MBD5: variants seen among roughly 807,000 people sequenced by gnomAD.
The protein encoded by MBD5 is methyl-CpG-binding domain protein 5.
Under a neutral mutation model 117.3 loss-of-function variants are expected in MBD5, and 13 were observed. The observed-to-expected ratio is 0.11, with a 90% CI of 0.07 to 0.18. The LOEUF is 0.18. Among genes scored for constraint, MBD5 ranks in the 10% least tolerant of loss-of-function variants. MBD5 has a pLI of 1.00. For synonymous variants in MBD5, 727 were observed against 766.4 expected (o/e 0.95, Z 0.85); for missense variants, 1,879 against 2,093.8 (o/e 0.90, Z 2.00).
chr2:148,118,690 C>T (rs1696697036), intron 1 of MBD5, among the ~76,000 whole-genome samples: 1 of 152,072 alleles, frequency 6.6e-6, no homozygotes, highest in African/African-American at 2.4e-5. Flanking sequence ...TCTCCTCTGA[C>T]CCTACTCCCA....
intron 3 of MBD5, among the ~76,000 whole-genome samples, chr2:148,294,665 G>T (rs999001924): frequency 6.6e-6 from 1 of 151,656 alleles, no homozygotes. Flanking sequence ...ACCATGCCCA[G>T]ATGATTTTTT....
At chr2:148,200,096 C>A (rs954294671) in intron 2 of MBD5, among the ~76,000 whole-genome samples, 1 of 152,116 alleles carries the variant, frequency 6.6e-6, no homozygotes, top group Non-Finnish European at 1.5e-5. Context: ...TCCTCACCTT[C>A]TTTAAACTTT....
intron 4 of MBD5, among the ~76,000 whole-genome samples, chr2:148,434,879 A>G (rs1706108026): frequency 1.3e-5 from 2 of 152,076 alleles, no homozygotes; most frequent in African/African-American, 2.4e-5. Context: ...ACACCTCTTC[A>G]TAGGTCTCTA....
chr2:148,314,222 A>T (rs1450324796), intron 3 of MBD5, among the ~76,000 whole-genome samples: 3 of 151,958 alleles, frequency 2.0e-5, no homozygotes, highest in Non-Finnish European at 4.4e-5. Context: ...CACAATTCCT[A>T]CAGACATACG....
At chr2:148,410,790 T>C (rs1705224667) in intron 4 of MBD5, among the ~76,000 whole-genome samples, 1 of 152,196 alleles carries the variant, frequency 6.6e-6, no homozygotes, top group South Asian at 2.1e-4. Context: ...TTGCAAATAT[T>C]TTCCCCAGGC....
At chr2:148,043,492 T>TAAATAAATAAATAAATAAATAA (rs2105701763) in intron 1 of MBD5, among the ~76,000 whole-genome samples, 1 of 149,750 alleles carries the variant, frequency 6.7e-6, no homozygotes, top group Admixed American at 6.7e-5. Context: ...AATAAAAGAA[T>TAAATAAATAAATAAATAAATAA]AGACTTTCTA....
In MBD5 at chr2:148,424,177, C is replaced by CAAAAAAAAA. The variant is rs56740583; in HGVS notation, c.-556-33995_-556-33987dup. 9.7e-4 allele frequency among the ~76,000 whole-genome samples: 52 copies of CAAAAAAAAA among 53,446 alleles called. 8 individuals are homozygous for CAAAAAAAAA. The highest frequency in any genetic ancestry group is 5.3e-3 in the East Asian group (4 of 754). The allele number at this position is 53,446 out of a possible 152,430, so 35.1% of individuals were successfully genotyped here. A position where few individuals can be genotyped will look rare whatever the true frequency, so the allele number is the denominator to read the frequency against. On this transcript the variant is annotated intron_variant, in intron 4 of 13. Transcript: ENST00000642680. Reference sequence around the variant, plus strand: ...TGGGCAACAGAGCAAGACTCTGTCTCAAAAAAAAAAAAAAAAAAAAAAAAA... The same window carrying CAAAAAAAAA: ...TGGGCAACAGAGCAAGACTCTGTCTCAAAAAAAAAAAAAAAAAAAAAAAAAAAAAAAAAA...
At chr2:148,484,674 C>G (rs1681278862) in intron 9 of MBD5, among the ~76,000 whole-genome samples, 1 of 152,132 alleles carries the variant, frequency 6.6e-6, no homozygotes, top group African/African-American at 2.4e-5. Context: ...ACAGACAGCC[C>G]CTCTAGCTGC....
chr2:148,216,759 G>T (rs897542793), intron 2 of MBD5, among the ~76,000 whole-genome samples: 1 of 152,058 alleles, frequency 6.6e-6, no homozygotes, highest in East Asian at 1.9e-4. Context: ...CCAATTCTGG[G>T]TTCTCCCCAA....
intron 1 of MBD5, among the ~76,000 whole-genome samples, chr2:148,117,035 T>C (rs982664425): frequency 1.3e-5 from 2 of 152,224 alleles, no homozygotes; most frequent in Admixed American, 1.3e-4. Flanking sequence ...TTAATATAGA[T>C]AATGTACAGT....
intron 1 of MBD5, among the ~76,000 whole-genome samples, chr2:148,152,698 C>T (rs1697718639): frequency 6.6e-6 from 1 of 151,590 alleles, no homozygotes; most frequent in African/African-American, 2.4e-5. Context: ...ATGTAATGGC[C>T]TTCTTTGTCT....
chr2:148,422,022 G>A (rs1461825308), intron 4 of MBD5, among the ~76,000 whole-genome samples: 4 of 152,200 alleles, frequency 2.6e-5, no homozygotes, highest in Admixed American at 2.6e-4. Flanking sequence ...AGACTTAAAT[G>A]TCCCTGCCTG....
intron 5 of MBD5, among the ~76,000 whole-genome samples, chr2:148,461,960 CCT>C (rs757079609): frequency 6.6e-6 from 1 of 151,216 alleles, no homozygotes. Flanking sequence ...CTGCTTAATT[CCT>C]CTCTCTCTCT....
At chr2:148,492,531 A>G (rs1299802309) in intron 11 of MBD5, among the ~76,000 whole-genome samples, 2 of 152,108 alleles carry the variant, frequency 1.3e-5, no homozygotes, top group African/African-American at 2.4e-5. Context: ...ACATTTATCT[A>G]TCATTTAAAA....
chr2:148,165,149 A>G (rs913139061), intron 1 of MBD5, among the ~76,000 whole-genome samples: 1 of 152,154 alleles, frequency 6.6e-6, no homozygotes, highest in Non-Finnish European at 1.5e-5. Flanking sequence ...AAAAGATCCA[A>G]TCTCTTTATT....
intron 4 of MBD5, among the ~76,000 whole-genome samples, chr2:148,444,816 C>G (rs1225870643): frequency 6.6e-6 from 1 of 150,984 alleles, no homozygotes; most frequent in Admixed American, 6.6e-5. Flanking sequence ...CACCCCTCTG[C>G]TCCCCAGACA....
At chr2:148,302,810 T>C (rs564058956) in intron 3 of MBD5, among the ~76,000 whole-genome samples, 2 of 151,944 alleles carry the variant, frequency 1.3e-5, no homozygotes, top group South Asian at 4.2e-4. Context: ...TTTTTTTATT[T>C]TTTTAGAGAT....
At chr2:148,423,914 C>T (rs1033336066) in intron 4 of MBD5, among the ~76,000 whole-genome samples, 9 of 151,998 alleles carry the variant, frequency 5.9e-5, no homozygotes, top group Admixed American at 4.6e-4. Context: ...CATGGTGGCT[C>T]ACGCCTGTAA....
chr2:148,377,592 C>T (rs960540193), intron 4 of MBD5, among the ~76,000 whole-genome samples: 3 of 152,130 alleles, frequency 2.0e-5, no homozygotes, highest in African/African-American at 7.2e-5. Flanking sequence ...ACAGTTTGAC[C>T]ACTGATGTGA....
Sources: gnomAD v4.1 joint callset for allele counts (sites outside exome capture counted in the v4.1 genomes callset) on GRCh38, gnomAD v4.1.1 for gene constraint, MANE v1.5 for transcripts, NCBI Gene and HGNC (gene_info 2026-07-23, HGNC 2026-07-21) for gene names.